The following UPK3B variants were observed in gnomAD, a reference collection of about 807,000 sequenced individuals.
UPK3B encodes uroplakin 3B.
A neutral mutation model predicts 27.6 loss-of-function variants in UPK3B; 21 were observed. The ratio of observed to expected loss-of-function variants is 0.76; its 90% CI spans 0.54 to 1.10. The LOEUF (loss-of-function observed/expected upper bound fraction) is 1.10, where lower values mean the gene tolerates loss of function less well. Ranked by LOEUF, UPK3B falls within the 50% of genes least tolerant of loss-of-function variation. UPK3B has a pLI of 0.00. For missense variants in UPK3B, 306 were observed against 376.1 expected, an observed-to-expected ratio of 0.81 and a Z score of 1.54; for synonymous variants, 141 against 162.3, an observed-to-expected ratio of 0.87 and a Z score of 1.00.
Position 76,515,273 on chromosome 7 carries a change from C to G in UPK3B, c.*69C>G. 2 of 1,550,012 alleles carry G rather than the reference C, an allele frequency of 1.3e-6. No homozygotes were observed. Among genetic ancestry groups the G allele is most frequent in the Non-Finnish European group, 1.7e-6 (2 of 1,146,176 alleles). On this transcript the variant is annotated 3_prime_UTR_variant, in exon 6 of 6. Coordinates refer to ENST00000334348, the MANE Select transcript of UPK3B (RefSeq NM_001347684.2). ...GTGAGTGCATGGTGCTTTGTCCCAG[C>G]TCCTGCACCCACAGGCCCCCTCAGG...
At position 76,515,971 on chromosome 7, in the gene UPK3B, T is replaced by A. The variant is rs1404262287; in HGVS notation, c.*767T>A. On this transcript the variant is annotated 3_prime_UTR_variant, in exon 6 of 6. Coordinates refer to ENST00000334348, the MANE Select transcript of UPK3B (RefSeq NM_001347684.2). The stretch of plus-strand genomic sequence containing the variant: ...ATGTGACCTGTTGCTGTCGGGGGTC[T>A]ATCAGGCCCTTAGACCGTCACCCCA... 3 of 610,172 alleles carry A rather than the reference T, an allele frequency of 4.9e-6. 1 individual carries two copies. Among genetic ancestry groups the A allele is most frequent in the Non-Finnish European group, 3.8e-6 (2 of 529,452 alleles). 37.8% of individuals were successfully genotyped at this position (610,172 alleles called of 1,614,324 possible). A position where few individuals can be genotyped will look rare whatever the true frequency, so the allele number is the denominator to read the frequency against.
intron 5 of UPK3B, among the ~76,000 whole-genome samples, chr7:76,514,335 C>A (rs534591591): frequency 6.6e-6 from 1 of 152,242 alleles, no homozygotes; most frequent in East Asian, 1.9e-4. Context: ...AGCGCCCCTC[C>A]CAGGGCCTGT....
At chr7:76,514,916 AAAAAAAAAG>A in intron 5 of UPK3B, 120 bp from the exon 6 acceptor site, 1 of 1,260,706 alleles carries the variant, frequency 7.9e-7, no homozygotes, top group Non-Finnish European at 1.1e-6. Flanking sequence ...AAAAAAAAAA[AAAAAAAAAG>A]AAAAGAGAGA....
chr7:76,510,986 C>T lies in UPK3B; in HGVS notation c.169C>T (p.Arg57Cys), dbSNP rs773449795. 1.3e-5 allele frequency: 21 copies of T among 1,582,142 alleles called. No homozygotes were observed. Among genetic ancestry groups the T allele is most frequent in the Middle Eastern group, 2.1e-4 (1 of 4,856 alleles). Residue 57 changes from arginine to cysteine, a missense_variant, in exon 2 of 6, where the codon CGC becomes TGC. Coordinates refer to ENST00000334348, the MANE Select transcript of UPK3B (RefSeq NM_001347684.2). ...CACCACCTTCTCCCTGGAGCAGCCG[C>T]GCTGTGTCTTCGATGGGCTTGCCAG... ...TATTFSLEQP[R>C]CVFDGLASAS...
Position 76,510,696 on chromosome 7 carries a change from T to G in UPK3B, c.44T>G (p.Leu15Arg). Residue 15 changes from leucine (L) to arginine (R), a missense_variant, in exon 1 of 6, where the codon CTC (leucine) becomes CGC (arginine). Transcript: ENST00000334348. ...CAGCCTCACCTAGGGCTGCAGATGC[T>G]CCTCCTGGCGTTGAACTGTCTCCGG... ...WGQPHLGLQMLLLALNCLRPS... is the reference protein window; with the variant it reads ...WGQPHLGLQMRLLALNCLRPS... The G allele has an allele frequency of 1.3e-6, 2 of 1,502,148 alleles. No individual in the cohort carries two copies. The highest frequency in any genetic ancestry group is 1.8e-6 in the Non-Finnish European group (2 of 1,123,264). 93.1% of individuals were successfully genotyped at this position (1,502,148 alleles called of 1,614,324 possible).
At position 76,510,581 on chromosome 7, in the gene UPK3B, A is replaced by G; in HGVS notation, c.-72A>G. The G allele has an allele frequency of 3.0e-6, 4 of 1,338,114 alleles. No homozygotes were observed. Among genetic ancestry groups the G allele is most frequent in the Non-Finnish European group, 3.9e-6 (4 of 1,030,176 alleles). The allele number at this position is 1,338,114 out of a possible 1,614,324, so 82.9% of individuals were successfully genotyped here. On this transcript the variant is annotated 5_prime_UTR_variant, in exon 1 of 6. Coordinates refer to ENST00000334348, the MANE Select transcript of UPK3B (RefSeq NM_001347684.2). ...TGATTAACCAGCTTCTCCAGGGCCA[A>G]GCTGTTGGGGGTGAGGTGCAGCCCG...
At chr7:76,514,920 A>C (rs528513740) in intron 5 of UPK3B, 125 bp from the exon 6 acceptor site, 1 of 1,276,136 alleles carries the variant, frequency 7.8e-7, no homozygotes, top group African/African-American at 1.5e-5. Context: ...AAAAAAAAAA[A>C]AAAAGAAAAG....
At chr7:76,513,662 C>T (rs1353869797) in intron 4 of UPK3B, among the ~76,000 whole-genome samples, 1 of 152,042 alleles carries the variant, frequency 6.6e-6, no homozygotes, top group African/African-American at 2.4e-5. Flanking sequence ...CATCTGAAGG[C>T]CTTGACTGCT....
chr7:76,510,789 G>A (rs1290252200), intron 1 of UPK3B, 52 bp downstream of exon 1: 2 of 1,588,322 alleles, frequency 1.3e-6, no homozygotes, highest in South Asian at 2.2e-5. Flanking sequence ...GGGGCTGGGG[G>A]CCCTGCTGGA....
chr7:76,512,358 G>C (rs1812562214), intron 3 of UPK3B, among the ~76,000 whole-genome samples: 1 of 150,602 alleles, frequency 6.6e-6, no homozygotes, highest in African/African-American at 2.4e-5. Context: ...GGTCAGGACT[G>C]TCCGGACACA....
chr7:76,513,957 C>CG lies in UPK3B; in HGVS notation c.554dup (p.Ser186IlefsTer108), dbSNP rs1371113905. ...CTGGTGTGTGTGCAGGGAAGACCCC[C>CG]GGATCCATCGACACCTGGCCAGGGC... On this transcript the variant is annotated frameshift_variant, in exon 5 of 6. Coordinates refer to ENST00000334348, the MANE Select transcript of UPK3B (RefSeq NM_001347684.2). LOFTEE classifies it high-confidence loss of function. 5.0e-6 allele frequency: 8 copies of CG among 1,613,700 alleles called. No homozygotes were observed. The highest frequency in any genetic ancestry group is 6.8e-6 in the Non-Finnish European group (8 of 1,179,856).
chr7:76,515,120 C>CTG lies in UPK3B; in HGVS notation c.747_748insTG (p.His250CysfsTer173). 1 of 1,601,612 alleles carries CTG rather than the reference C, an allele frequency of 6.2e-7. No homozygotes were observed. The highest frequency in any genetic ancestry group is 8.5e-7 in the Non-Finnish European group (1 of 1,175,186). On this transcript the variant is annotated frameshift_variant, in exon 6 of 6. Transcript: ENST00000334348. LOFTEE classifies it high-confidence loss of function. ...CCTTCATGGGCAAGCGCTACATGAC[C>CTG]CACCACATCCCACCCAGAGAGGCCG...
chr7:76,514,119 C>T, intron 5 of UPK3B, 43 bp downstream of exon 5: 5 of 1,613,636 alleles, frequency 3.1e-6, no homozygotes, highest in Non-Finnish European at 4.2e-6. Flanking sequence ...CACCCAGAAC[C>T]CCTCTGTTGA....
intron 4 of UPK3B, 144 bp from the exon 5 acceptor site, chr7:76,513,803 G>A: frequency 1.7e-6 from 2 of 1,192,560 alleles, no homozygotes; most frequent in South Asian, 1.4e-5. Flanking sequence ...AGGGACGGGG[G>A]GTGGGATCAG....
Position 76,515,597 on chromosome 7 carries a change from A to T in UPK3B, c.*393A>T. ...CCTGCAGAGGACTGTGCTTTGCCTGATGCAGGGAGCTGGGCCCATCCTGGG... is the reference window on the plus strand; with the variant it reads ...CCTGCAGAGGACTGTGCTTTGCCTGTTGCAGGGAGCTGGGCCCATCCTGGG... On this transcript the variant is annotated 3_prime_UTR_variant, in exon 6 of 6. Coordinates refer to ENST00000334348, the MANE Select transcript of UPK3B (RefSeq NM_001347684.2). The T allele has an allele frequency of 3.1e-6, 2 of 652,512 alleles. 1 individual carries two copies. The highest frequency in any genetic ancestry group is 3.6e-6 in the Non-Finnish European group (2 of 556,390). The allele number at this position is 652,512 out of a possible 1,614,324, so 40.4% of individuals were successfully genotyped here. A position where few individuals can be genotyped will look rare whatever the true frequency, so the allele number is the denominator to read the frequency against.
intron 4 of UPK3B, 29 bp downstream of exon 4, chr7:76,513,192 C>G: frequency 6.3e-7 from 1 of 1,595,424 alleles, no homozygotes; most frequent in Non-Finnish European, 8.6e-7. Flanking sequence ...GGCGCTGCCC[C>G]CAGTGGACTC....
rs1254940444 is a variant in UPK3B at position 76,516,145 on chromosome 7, T to C, written c.*941T>C. 1 of 611,726 alleles carries C rather than the reference T, an allele frequency of 1.6e-6. No individual in the cohort carries two copies. Among genetic ancestry groups the C allele is most frequent in the East Asian group, 1.7e-4 (1 of 5,778 alleles). The allele number at this position is 611,726 out of a possible 1,614,324, so 37.9% of individuals were successfully genotyped here. A position where few individuals can be genotyped will look rare whatever the true frequency, so the allele number is the denominator to read the frequency against. On this transcript the variant is annotated 3_prime_UTR_variant, in exon 6 of 6. Transcript: ENST00000334348. Reference sequence around the variant, plus strand: ...CGCAGCCAGGCCGCCTCACGGCCAGTGTGCATGCTCGCTGCTATTCGCTGC... The same window carrying C: ...CGCAGCCAGGCCGCCTCACGGCCAGCGTGCATGCTCGCTGCTATTCGCTGC...
chr7:76,514,928 A>G (rs1390039029), intron 5 of UPK3B, 117 bp from the exon 6 acceptor site: 2 of 1,225,912 alleles, frequency 1.6e-6, no homozygotes, highest in African/African-American at 1.5e-5. Context: ...AAAAAAAGAA[A>G]AGAGAGAGAG....
At position 76,514,088 on chromosome 7, in the gene UPK3B, C is replaced by G; in HGVS notation, c.671+12C>G. 6.2e-7 allele frequency: 1 copy of G among 1,613,948 alleles called. No homozygotes were observed. On this transcript the variant is annotated intron_variant, in intron 5 of 5. Transcript: ENST00000334348. ...TCTACCATGCGCTTGTGAGTGGGGA[C>G]ACCCCCTCGGGCCCCTCTCCCACCC...
Sources: allele counts gnomAD v4.1 joint callset (sites outside exome capture counted in the v4.1 genomes callset), GRCh38; gene constraint gnomAD v4.1.1; transcripts MANE v1.5; gene names NCBI Gene and HGNC (gene_info 2026-07-23, HGNC 2026-07-21).